Variants in AFTPH observed in about 807,000 individuals in gnomAD.
AFTPH encodes the protein aftiphilin, also known as aftiphilin protein.
A neutral mutation model predicts 72.5 loss-of-function variants in AFTPH; 7 were observed. That is an observed-to-expected ratio of 0.10 (90% CI 0.05 to 0.18). The LOEUF (loss-of-function observed/expected upper bound fraction) is 0.18, where lower values mean the gene tolerates loss of function less well. Ranked by LOEUF, AFTPH falls within the 10% of genes least tolerant of loss-of-function variation. The pLI is 1.00. For missense variants in AFTPH, 979 were observed against 1,060.5 expected, an observed-to-expected ratio of 0.92 and a Z score of 1.07; for synonymous variants, 337 against 370.1, an observed-to-expected ratio of 0.91 and a Z score of 1.03.
chr2:64,564,983 C>T (rs1413655120), intron 2 of AFTPH, among the ~76,000 whole-genome samples: 3 of 151,898 alleles, frequency 2.0e-5, no homozygotes, highest in African/African-American at 4.8e-5. Flanking sequence ...GGACTACAGG[C>T]GTGCGCCACC....
intron 7 of AFTPH, among the ~76,000 whole-genome samples, chr2:64,582,516 G>C (rs1307922436): frequency 6.6e-6 from 1 of 152,142 alleles, no homozygotes; most frequent in East Asian, 1.9e-4. Flanking sequence ...GTCTGGTTTT[G>C]ACTTCAAAAT....
chr2:64,562,403 A>G (rs1353702128), intron 2 of AFTPH, among the ~76,000 whole-genome samples: 1 of 151,958 alleles, frequency 6.6e-6, no homozygotes, highest in Non-Finnish European at 1.5e-5. Context: ...CAGGTACTGG[A>G]AATTCAAGAA....
intron 2 of AFTPH, among the ~76,000 whole-genome samples, chr2:64,563,034 A>G (rs192286347): frequency 3.8e-4 from 58 of 152,340 alleles, no homozygotes; most frequent in African/African-American, 1.4e-3. Flanking sequence ...TTAATCTGCT[A>G]CAGGGAGTTT....
chr2:64,563,322 C>T (rs143528167), intron 2 of AFTPH, among the ~76,000 whole-genome samples: 2 of 151,948 alleles, frequency 1.3e-5, no homozygotes, highest in Non-Finnish European at 2.9e-5. Context: ...ATATATGTAC[C>T]CCCAAAAAAT....
At chr2:64,567,303 T>C (rs12467486) in intron 2 of AFTPH, among the ~76,000 whole-genome samples, 2,476 of 152,306 alleles carry the variant, frequency 0.016, 31 homozygotes, top group Non-Finnish European at 0.025. Context: ...ATTAAGATAA[T>C]GCATGTAAAG....
At chr2:64,591,020 G>A (rs929053413) in intron 8 of AFTPH, among the ~76,000 whole-genome samples, 1 of 152,180 alleles carries the variant, frequency 6.6e-6, no homozygotes, top group Non-Finnish European at 1.5e-5. Context: ...GGTCTAAAGC[G>A]AATAATATGT....
At chr2:64,564,826 T>C (rs892172521) in intron 2 of AFTPH, among the ~76,000 whole-genome samples, 5 of 151,696 alleles carry the variant, frequency 3.3e-5, no homozygotes, top group African/African-American at 1.2e-4. Context: ...ACTGGTCTTA[T>C]GGAAATTGAT....
chr2:64,539,221 A>G (rs139228180), intron 1 of AFTPH, among the ~76,000 whole-genome samples: 5 of 152,320 alleles, frequency 3.3e-5, no homozygotes, highest in Admixed American at 2.6e-4. Flanking sequence ...AGAGAACAAG[A>G]AAAAGAAATT....
intron 7 of AFTPH, among the ~76,000 whole-genome samples, chr2:64,581,995 T>G (rs1269495855): frequency 7.2e-5 from 11 of 152,248 alleles, no homozygotes; most frequent in Non-Finnish European, 1.2e-4. Context: ...ACCAAAGGAC[T>G]AATGTACTTT....
At chr2:64,548,399 C>CA (rs781491633) in intron 1 of AFTPH, among the ~76,000 whole-genome samples, 1 of 6,326 alleles carries the variant, frequency 1.6e-4, no homozygotes, top group African/African-American at 4.0e-4. Context: ...GACTCCGTCT[C>CA]AAAAAAAGAA....
intron 1 of AFTPH, among the ~76,000 whole-genome samples, chr2:64,539,138 C>T (rs1670059018): frequency 6.6e-6 from 1 of 152,126 alleles, no homozygotes; most frequent in Non-Finnish European, 1.5e-5. Flanking sequence ...TAAAGCATGT[C>T]TGCTGTTCAT....
At chr2:64,534,601 T>TA (rs1669790058) in intron 1 of AFTPH, among the ~76,000 whole-genome samples, 1 of 152,214 alleles carries the variant, frequency 6.6e-6, no homozygotes, top group Non-Finnish European at 1.5e-5. Flanking sequence ...TACACGTAAC[T>TA]AAAAAGTTCA....
At chr2:64,547,742 T>A (rs1670740384) in intron 1 of AFTPH, among the ~76,000 whole-genome samples, 1 of 152,182 alleles carries the variant, frequency 6.6e-6, no homozygotes, top group African/African-American at 2.4e-5. Context: ...TTTTGTATTC[T>A]TTTGACATGT....
At chr2:64,555,415 G>C (rs905073250) in intron 2 of AFTPH, among the ~76,000 whole-genome samples, 3 of 152,076 alleles carry the variant, frequency 2.0e-5, no homozygotes, top group African/African-American at 7.2e-5. Flanking sequence ...ACAAAAATTA[G>C]CTGGGCGTGG....
At chr2:64,561,210 A>T (rs151092486) in intron 2 of AFTPH, among the ~76,000 whole-genome samples, 207 of 152,376 alleles carry the variant, frequency 1.4e-3, no homozygotes, top group Non-Finnish European at 2.5e-3. Flanking sequence ...AATGTTTAAT[A>T]GCCAGATGTG....
chr2:64,538,366 A>C (rs2103841726), intron 1 of AFTPH, among the ~76,000 whole-genome samples: 1 of 152,236 alleles, frequency 6.6e-6, no homozygotes, highest in East Asian at 1.9e-4. Context: ...ACCAGCTAGG[A>C]ATTTGTTCTC....
Position 64,574,811 on chromosome 2 carries a change from C to G in AFTPH, c.2394+1743C>G, listed in dbSNP as rs528076003. ...GTTCTTAGTTACCTTAATTTTGCTGCCCTGATACGCCCTCTGGCTATAAAC... is the reference window on the plus strand; with the variant it reads ...GTTCTTAGTTACCTTAATTTTGCTGGCCTGATACGCCCTCTGGCTATAAAC... On this transcript the variant is annotated intron_variant, in intron 6 of 8. Coordinates refer to ENST00000238856, the Ensembl canonical transcript of AFTPH. 1.1e-4 allele frequency among the ~76,000 whole-genome samples: 16 copies of G among 152,318 alleles called. No individual in the cohort carries two copies. The South Asian group carries it at 3.3e-3, about 32-fold the overall frequency.
chr2:64,547,589 A>G (rs752515235), intron 1 of AFTPH, among the ~76,000 whole-genome samples: 25 of 152,290 alleles, frequency 1.6e-4, no homozygotes, highest in Middle Eastern at 6.8e-3. Context: ...TTCCTCATCT[A>G]ACTTGCAGTT....
chr2:64,563,380 C>T (rs1365342277), intron 2 of AFTPH, among the ~76,000 whole-genome samples: 3 of 152,164 alleles, frequency 2.0e-5, no homozygotes, highest in South Asian at 4.1e-4. Flanking sequence ...AGTTTTGATA[C>T]ACCTTTTATC....
Sources: gnomAD v4.1 joint callset for allele counts (sites outside exome capture counted in the v4.1 genomes callset) on GRCh38, gnomAD v4.1.1 for gene constraint, MANE v1.5 for transcripts, NCBI Gene and HGNC (gene_info 2026-07-23, HGNC 2026-07-21) for gene names.